The following SP140L variants were observed in gnomAD, a reference collection of about 807,000 sequenced individuals.
SP140L encodes the protein nuclear body protein SP140-like protein.
Under a neutral mutation model 84.3 loss-of-function variants are expected in SP140L, and 64 were observed. That is an observed-to-expected ratio of 0.76 (90% CI 0.62 to 0.94). The LOEUF (loss-of-function observed/expected upper bound fraction) is 0.94. Ranked by LOEUF, SP140L falls within the 40% of genes least tolerant of loss-of-function variation. The probability of loss-of-function intolerance (pLI) is 0.00; values close to 1 mark genes in which losing one functional copy is unlikely to be tolerated. For synonymous variants in SP140L, 242 were observed against 236.9 expected (o/e 1.02, Z -0.20); for missense variants, 628 against 692.5 (o/e 0.91, Z 1.05).
chr2:230,385,272 A>G lies in SP140L; in HGVS notation c.752A>G (p.Asn251Ser). Residue 251 changes from asparagine to serine, a missense_variant, in exon 9 of 19, where the codon AAC becomes AGC. Around this residue, in one of 4 missense-constraint regions of SP140L, gnomAD observed 525 missense variants for 518.4 expected, o/e 1.01. Transcript: ENST00000415673. ...CTGGTCTCGAGTGAAAAGAAGGCGA[A>G]CATGAATCTGAAAGACCTTTCCAAG... ...GQLVSSEKKA[N>S]MNLKDLSKIR... 6.2e-7 allele frequency: 1 copy of G among 1,613,794 alleles called. No homozygotes were observed. The highest frequency in any genetic ancestry group is 8.5e-7 in the Non-Finnish European group (1 of 1,179,758).
chr2:230,347,704 G>A (rs1371813964), intron 2 of SP140L, among the ~76,000 whole-genome samples: 1 of 152,226 alleles, frequency 6.6e-6, no homozygotes, highest in Non-Finnish European at 1.5e-5. Flanking sequence ...TAGGCTTTGA[G>A]GCTGGGCAGA....
intron 13 of SP140L, among the ~76,000 whole-genome samples, chr2:230,396,384 G>A (rs544061020): frequency 1.3e-5 from 2 of 152,264 alleles, no homozygotes; most frequent in South Asian, 4.1e-4. Flanking sequence ...TCATGAATTG[G>A]GCAGCACTCA....
At chr2:230,359,506 G>A (rs1400909851) in intron 4 of SP140L, among the ~76,000 whole-genome samples, 9 of 152,172 alleles carry the variant, frequency 5.9e-5, no homozygotes, top group Admixed American at 5.9e-4. Flanking sequence ...TTGAGTGACA[G>A]TTTAGCTGTG....
Position 230,402,956 on chromosome 2 carries a change from A to G in SP140L, c.*60A>G. On this transcript the variant is annotated 3_prime_UTR_variant, in exon 19 of 19. Coordinates refer to ENST00000415673, the MANE Select transcript of SP140L (RefSeq NM_138402.6). Reference sequence around the variant, plus strand: ...ATGCTACTGGTTGCCACTGACTTCAAACTGAGAGCACTTGGGAAATAGCAC... The same window carrying G: ...ATGCTACTGGTTGCCACTGACTTCAGACTGAGAGCACTTGGGAAATAGCAC... The G allele has an allele frequency of 7.3e-7, 1 of 1,378,792 alleles. No individual in the cohort carries two copies. Among genetic ancestry groups the G allele is most frequent in the Non-Finnish European group, 1.0e-6 (1 of 992,916 alleles). 85.4% of individuals were successfully genotyped at this position (1,378,792 alleles called of 1,614,324 possible). A position where few individuals can be genotyped will look rare whatever the true frequency, so the allele number is the denominator to read the frequency against.
chr2:230,388,745 C>A, intron 10 of SP140L, 112 bp downstream of exon 10: 3 of 870,046 alleles, frequency 3.4e-6, no homozygotes, highest in South Asian at 2.7e-5. Context: ...TGAAGCTATA[C>A]TAACTATTGA....
At chr2:230,362,232 A>G (rs2060741984) in intron 5 of SP140L, among the ~76,000 whole-genome samples, 1 of 152,212 alleles carries the variant, frequency 6.6e-6, no homozygotes, top group South Asian at 2.1e-4. Context: ...TTATTAACAT[A>G]AACTCAGGTT....
At chr2:230,344,329 G>A (rs751936890) in intron 2 of SP140L, among the ~76,000 whole-genome samples, 2 of 152,110 alleles carry the variant, frequency 1.3e-5, no homozygotes, top group African/African-American at 2.4e-5. Flanking sequence ...TCAGAAACTA[G>A]GATCAAAACT....
chr2:230,387,999 C>T (rs2061655897), intron 9 of SP140L, among the ~76,000 whole-genome samples: 1 of 152,178 alleles, frequency 6.6e-6, no homozygotes, highest in Non-Finnish European at 1.5e-5. Context: ...ATACATCTCA[C>T]CTATGGAGCA....
intron 2 of SP140L, among the ~76,000 whole-genome samples, chr2:230,354,865 G>GAAAGAAAGA (rs1559420121): frequency 9.3e-6 from 1 of 107,032 alleles, no homozygotes; most frequent in Non-Finnish European, 1.9e-5. Context: ...AAGAAAGAAA[G>GAAAGAAAGA]AAAGAAAGAA....
Position 230,357,943 on chromosome 2 carries a change from A to G in SP140L, c.246A>G (p.Glu82=), listed in dbSNP as rs1408671104. 1.9e-6 allele frequency: 3 copies of G among 1,613,302 alleles called. No individual in the cohort carries two copies. The African/African-American group carries it at 4.0e-5, about 22-fold the overall frequency. ...FPFLEGLRDR[E]LITNKMFEDS... ...TCCTTGAGGGCCTCCGCGATCGGGA[A>G]CTCATCACAAATAAAATGTTTGAAG... The change falls in exon 3 of 19, where the codon GAA becomes GAG. Residue 82 remains glutamate, a synonymous_variant. Transcript: ENST00000415673.
At chr2:230,377,951 T>C (rs1367638321) in intron 7 of SP140L, among the ~76,000 whole-genome samples, 1 of 152,186 alleles carries the variant, frequency 6.6e-6, no homozygotes, top group African/African-American at 2.4e-5. Context: ...TTAGCGCTTA[T>C]TGAGATCTAT....
intron 2 of SP140L, among the ~76,000 whole-genome samples, chr2:230,342,364 G>C (rs139647804): frequency 6.6e-6 from 1 of 152,168 alleles, no homozygotes; most frequent in Non-Finnish European, 1.5e-5. Context: ...CGCACGGTGC[G>C]TGCACCCACT....
intron 2 of SP140L, among the ~76,000 whole-genome samples, chr2:230,347,505 G>C (rs1219183278): frequency 2.6e-5 from 4 of 152,134 alleles, no homozygotes; most frequent in Admixed American, 1.3e-4. Context: ...TGGTTAGGCA[G>C]AACTGCAGGC....
intron 9 of SP140L, among the ~76,000 whole-genome samples, chr2:230,386,015 A>G (rs923470849): frequency 6.6e-6 from 1 of 152,164 alleles, no homozygotes; most frequent in Non-Finnish European, 1.5e-5. Context: ...GTTGATGCAC[A>G]ATCACTAGCT....
At chr2:230,351,523 C>T (rs897813037) in intron 2 of SP140L, among the ~76,000 whole-genome samples, 7 of 152,140 alleles carry the variant, frequency 4.6e-5, no homozygotes, top group African/African-American at 1.7e-4. Flanking sequence ...TCTACACTGT[C>T]TTTTATATCT....
Position 230,371,744 on chromosome 2 carries a change from T to C in SP140L, c.637+93T>C, listed in dbSNP as rs1024122313. On this transcript the variant is annotated intron_variant, in intron 7 of 18. Transcript: ENST00000415673. Reference sequence around the variant, plus strand: ...TTTGTCATTGTTACTGTTTCTGTTATTATTTGCAATACTGTGGTAGAGAGA... The same window carrying C: ...TTTGTCATTGTTACTGTTTCTGTTACTATTTGCAATACTGTGGTAGAGAGA... The C allele has an allele frequency of 2.6e-6, 3 of 1,168,548 alleles. No homozygotes were observed. In the African/African-American group the frequency reaches 4.7e-5, roughly 18 times the overall value. 72.4% of individuals were successfully genotyped at this position (1,168,548 alleles called of 1,614,324 possible).
intron 5 of SP140L, among the ~76,000 whole-genome samples, chr2:230,370,274 A>G (rs915268371): frequency 6.6e-6 from 1 of 152,120 alleles, no homozygotes; most frequent in Admixed American, 6.5e-5. Flanking sequence ...AGAGCACTTC[A>G]CCTTGGCTCA....
At chr2:230,361,746 G>C (rs767085572) in intron 5 of SP140L, 49 bp downstream of exon 5, 11 of 1,419,126 alleles carry the variant, frequency 7.8e-6, no homozygotes. Context: ...AGAGGAAAAG[G>C]AGACAAGGGA....
chr2:230,336,224 A>G (rs1389340831), intron 2 of SP140L, among the ~76,000 whole-genome samples: 1 of 152,230 alleles, frequency 6.6e-6, no homozygotes, highest in African/African-American at 2.4e-5. Flanking sequence ...TAATGCAGTC[A>G]AGGGTCCACA....
Sources: allele counts gnomAD v4.1 joint callset (sites outside exome capture counted in the v4.1 genomes callset), GRCh38; gene constraint gnomAD v4.1.1; regional missense constraint gnomAD v4.1.1; transcripts MANE v1.5; gene names NCBI Gene and HGNC (gene_info 2026-07-23, HGNC 2026-07-21).